The following BNC2 variants were observed in gnomAD, a reference collection of about 807,000 sequenced individuals.
The protein encoded by BNC2 is basonuclin zinc finger protein 2.
BNC2 carries 20 observed loss-of-function variants against 76.3 expected under a neutral mutation model. That is an observed-to-expected ratio of 0.26 (90% CI 0.18 to 0.38). BNC2 has a LOEUF of 0.38. BNC2 is among the 10% of genes least tolerant of loss of function. The pLI is 1.00. For synonymous variants in BNC2, 582 were observed against 514.8 expected, an observed-to-expected ratio of 1.13 and a Z score of -1.77; for missense variants, 1,382 against 1,399.8, an observed-to-expected ratio of 0.99 and a Z score of 0.20.
At chr9:16,778,835 G>A (rs1488456489) in intron 1 of BNC2, among the ~76,000 whole-genome samples, 5 of 152,132 alleles carry the variant, frequency 3.3e-5, no homozygotes, top group East Asian at 1.9e-4. Context: ...AAGAATAGGA[G>A]GGCAGAGGAA....
intron 3 of BNC2, among the ~76,000 whole-genome samples, chr9:16,607,506 C>G (rs1037615727): frequency 6.6e-6 from 1 of 152,106 alleles, no homozygotes; most frequent in African/African-American, 2.4e-5. Flanking sequence ...AACGGCTACA[C>G]TTTAGGGTAA....
rs372808218 is a variant in BNC2, at chr9:16,788,196, G to A, written c.4-49711C>T. 3.9e-5 allele frequency among the ~76,000 whole-genome samples: 6 copies of A among 152,120 alleles called. No individual in the cohort carries two copies. In the South Asian group the frequency reaches 6.2e-4, roughly 16 times the overall value. ...TAGCTATCTCCGCAGATATTTTTAC[G>A]TTACCAGTGAAAAACAATGGGTAAC... On this transcript the variant is annotated intron_variant, in intron 1 of 6. Transcript: ENST00000380672.
chr9:16,710,177 C>G (rs1823795455), intron 3 of BNC2, among the ~76,000 whole-genome samples: 1 of 151,898 alleles, frequency 6.6e-6, no homozygotes, highest in Non-Finnish European at 1.5e-5. Flanking sequence ...TCCCCTCCTA[C>G]ACCTGGGCAC....
intron 5 of BNC2, among the ~76,000 whole-genome samples, chr9:16,518,754 C>T (rs928678509): frequency 4.6e-5 from 7 of 152,086 alleles, no homozygotes; most frequent in Admixed American, 1.3e-4. Flanking sequence ...GTGCCCACCA[C>T]CATGCCTGGC....
chr9:16,583,307 G>T (rs1460745083), intron 3 of BNC2, among the ~76,000 whole-genome samples: 1 of 151,992 alleles, frequency 6.6e-6, no homozygotes, highest in African/African-American at 2.4e-5. Context: ...GTCATTCACA[G>T]TAACCTTTAA....
At chr9:16,447,185 T>A (rs920127963) in intron 5 of BNC2, among the ~76,000 whole-genome samples, 1 of 152,126 alleles carries the variant, frequency 6.6e-6, no homozygotes, top group Non-Finnish European at 1.5e-5. Flanking sequence ...AGTATACCAA[T>A]CTTTAAAATC....
intron 3 of BNC2, among the ~76,000 whole-genome samples, chr9:16,692,587 G>A (rs971201850): frequency 6.6e-6 from 1 of 152,132 alleles, no homozygotes; most frequent in African/African-American, 2.4e-5. Flanking sequence ...CAGCACCACA[G>A]CATACCAATC....
chr9:16,659,382 G>A (rs567412154), intron 3 of BNC2, among the ~76,000 whole-genome samples: 5 of 151,994 alleles, frequency 3.3e-5, no homozygotes, highest in East Asian at 1.9e-4. Context: ...GGCCGAGGTG[G>A]GCAGATCAGG....
intron 5 of BNC2, among the ~76,000 whole-genome samples, chr9:16,445,219 A>G (rs1821207091): frequency 6.6e-6 from 1 of 152,260 alleles, no homozygotes; most frequent in Non-Finnish European, 1.5e-5. Flanking sequence ...TTGTTTTAGC[A>G]GATTTACATT....
At chr9:16,723,808 C>G (rs1298053287) in intron 3 of BNC2, among the ~76,000 whole-genome samples, 1 of 152,000 alleles carries the variant, frequency 6.6e-6, no homozygotes, top group African/African-American at 2.4e-5. Context: ...CCTCACCTAT[C>G]TAAAAAATGA....
At chr9:16,687,105 A>G (rs114724844) in intron 3 of BNC2, among the ~76,000 whole-genome samples, 3 of 152,148 alleles carry the variant, frequency 2.0e-5, no homozygotes, top group Non-Finnish European at 1.5e-5. Context: ...GTAGGTAAAT[A>G]ACTAGCTCAG....
intron 3 of BNC2, among the ~76,000 whole-genome samples, chr9:16,625,343 ACTCCCAAC>A (rs2133644823): frequency 6.6e-6 from 1 of 152,092 alleles, no homozygotes; most frequent in Non-Finnish European, 1.5e-5. Context: ...ACAAAGAAAA[ACTCCCAAC>A]TGGCAGGGCC....
chr9:16,415,360 AC>A lies in BNC2; in HGVS notation c.*3628del, dbSNP rs1820563620. 8.7e-6 allele frequency: 1 copy of A among 115,090 alleles called. No homozygotes were observed. The highest frequency in any genetic ancestry group is 1.7e-5 in the Non-Finnish European group (1 of 58,788). 7.1% of individuals were successfully genotyped at this position (115,090 alleles called of 1,614,324 possible). On this transcript the variant is annotated 3_prime_UTR_variant, in exon 7 of 7. Transcript: ENST00000380672. ...CATAGTTTTAAATGATCAAGACAGT[AC>A]AAGTTTCAACATCAGCTAGAGAACA...
At chr9:16,671,217 T>A (rs1303230623) in intron 3 of BNC2, among the ~76,000 whole-genome samples, 1 of 152,084 alleles carries the variant, frequency 6.6e-6, no homozygotes, top group East Asian at 1.9e-4. Flanking sequence ...TGCAAGTCAC[T>A]CTCTCAACTG....
intron 3 of BNC2, among the ~76,000 whole-genome samples, chr9:16,664,199 G>A (rs938706680): frequency 6.6e-6 from 1 of 152,118 alleles, no homozygotes; most frequent in Admixed American, 6.5e-5. Flanking sequence ...AATTTGATAG[G>A]GAATGCTCCA....
chr9:16,638,037 G>A (rs780088501), intron 3 of BNC2, among the ~76,000 whole-genome samples: 4 of 152,170 alleles, frequency 2.6e-5, no homozygotes, highest in Non-Finnish European at 4.4e-5. Context: ...GGATGACTCC[G>A]AGCAGGATTG....
chr9:16,863,751 A>T (rs1488402926), intron 1 of BNC2, among the ~76,000 whole-genome samples: 1 of 152,202 alleles, frequency 6.6e-6, no homozygotes, highest in African/African-American at 2.4e-5. Flanking sequence ...TAAAAGAGGT[A>T]AGGTCAAGAA....
chr9:16,526,579 A>G (rs964095693), intron 5 of BNC2, among the ~76,000 whole-genome samples: 1 of 151,088 alleles, frequency 6.6e-6, no homozygotes, highest in Non-Finnish European at 1.5e-5. Context: ...TCAGACAAAG[A>G]AATGTCCATT....
chr9:16,819,088 G>C (rs1818252464), intron 1 of BNC2, among the ~76,000 whole-genome samples: 1 of 152,154 alleles, frequency 6.6e-6, no homozygotes, highest in Non-Finnish European at 1.5e-5. Flanking sequence ...ACAAAACTGA[G>C]TCATGAATTA....
Sources: gnomAD v4.1 joint callset for allele counts (sites outside exome capture counted in the v4.1 genomes callset) on GRCh38, gnomAD v4.1.1 for gene constraint, MANE v1.5 for transcripts, NCBI Gene and HGNC (gene_info 2026-07-23, HGNC 2026-07-21) for gene names.